The following CATSPERB variants were observed in gnomAD, a reference collection of about 807,000 sequenced individuals.
The protein encoded by CATSPERB is catsper channel auxiliary subunit beta.
Under a neutral mutation model 128.3 loss-of-function variants are expected in CATSPERB, and 93 were observed. That is an observed-to-expected ratio of 0.72 (90% CI 0.61 to 0.86). CATSPERB has a LOEUF of 0.86. CATSPERB is among the 40% of genes least tolerant of loss of function. The pLI, the probability that CATSPERB is intolerant of heterozygous loss-of-function variation, is 0.00. For synonymous variants in CATSPERB, 381 were observed against 448.8 expected, an observed-to-expected ratio of 0.85 and a Z score of 1.91; for missense variants, 1,153 against 1,329.5, an observed-to-expected ratio of 0.87 and a Z score of 2.06.
Position 91,723,526 on chromosome 14 carries a change from T to C in CATSPERB, c.169-337A>G, listed in dbSNP as rs115730457. 5.2e-3 allele frequency among the ~76,000 whole-genome samples: 790 copies of C among 152,324 alleles called. 7 individuals are homozygous for C. Among genetic ancestry groups the C allele is most frequent in the African/African-American group, 0.018 (738 of 41,576 alleles). On this transcript the variant is annotated intron_variant, in intron 3 of 26. Coordinates refer to ENST00000256343, the MANE Select transcript of CATSPERB (RefSeq NM_024764.4). ...GGAAGCAACTATATAAAGCAAAGCC[T>C]ATTTTACTGCATCTTTACTGGATAT...
chr14:91,640,042 T>C (rs1894463071), intron 15 of CATSPERB, among the ~76,000 whole-genome samples: 1 of 152,110 alleles, frequency 6.6e-6, no homozygotes, highest in African/African-American at 2.4e-5. Flanking sequence ...CTAGTGCTCT[T>C]CCCTGAAGTC....
At chr14:91,597,926 T>A (rs1309766837) in intron 22 of CATSPERB, among the ~76,000 whole-genome samples, 1 of 151,984 alleles carries the variant, frequency 6.6e-6, no homozygotes, top group African/African-American at 2.4e-5. Context: ...TTTATCTCAG[T>A]TTTTTTCCCT....
At chr14:91,620,998 A>G (rs191208315) in intron 19 of CATSPERB, among the ~76,000 whole-genome samples, 535 of 152,386 alleles carry the variant, frequency 3.5e-3, no homozygotes, top group Non-Finnish European at 6.1e-3. Context: ...AGAAATCTAC[A>G]CTAAAATTCT....
chr14:91,660,116 T>TCACACACA (rs56413235), intron 14 of CATSPERB, 135 bp from the exon 15 acceptor site: 17 of 239,344 alleles, frequency 7.1e-5, no homozygotes, highest in African/African-American at 4.9e-4. Flanking sequence ...TCTCTCTCTC[T>TCACACACA]CACACACACA....
intron 4 of CATSPERB, among the ~76,000 whole-genome samples, 174 bp downstream of exon 4, chr14:91,722,870 CTTTAA>C (rs976240005): frequency 2.6e-5 from 4 of 152,042 alleles, no homozygotes; most frequent in African/African-American, 7.2e-5. Context: ...ATTTCTTCTT[CTTTAA>C]TTTATTTAAA....
intron 11 of CATSPERB, among the ~76,000 whole-genome samples, chr14:91,683,229 G>A (rs1895315445): frequency 6.6e-6 from 1 of 152,144 alleles, no homozygotes; most frequent in African/African-American, 2.4e-5. Flanking sequence ...CCTACTGCAA[G>A]TCTAGGAACT....
chr14:91,712,004 G>A (rs552072947), intron 5 of CATSPERB, among the ~76,000 whole-genome samples: 1 of 152,260 alleles, frequency 6.6e-6, no homozygotes, highest in East Asian at 1.9e-4. Context: ...TGGGGAATTA[G>A]AAAATATTTT....
chr14:91,719,826 T>C (rs979950533), intron 4 of CATSPERB, among the ~76,000 whole-genome samples: 1 of 152,140 alleles, frequency 6.6e-6, no homozygotes, highest in African/African-American at 2.4e-5. Context: ...GAGCTTGAGG[T>C]TGACAGAGCA....
chr14:91,623,035 C>T (rs894003228), intron 18 of CATSPERB, among the ~76,000 whole-genome samples: 3 of 151,938 alleles, frequency 2.0e-5, no homozygotes, highest in Admixed American at 6.6e-5. Flanking sequence ...GCTGGAATTA[C>T]AGGCACCTGC....
At chr14:91,708,272 T>A (rs1409142304) in intron 5 of CATSPERB, 36 bp from the exon 6 acceptor site, 4 of 1,337,078 alleles carry the variant, frequency 3.0e-6, no homozygotes, top group South Asian at 2.4e-5. Flanking sequence ...TCAACTATTT[T>A]TTCATATGTT....
intron 14 of CATSPERB, among the ~76,000 whole-genome samples, chr14:91,666,476 C>T (rs369984276): frequency 1.3e-5 from 2 of 152,330 alleles, no homozygotes; most frequent in African/African-American, 2.4e-5. Context: ...AGCCTTCCCA[C>T]AGGACAAAAC....
rs114396073 is a variant in CATSPERB, at chr14:91,724,382, T to C, written c.168+698A>G. 5.2e-3 allele frequency among the ~76,000 whole-genome samples: 791 copies of C among 152,294 alleles called. 7 individuals carry two copies. The highest frequency in any genetic ancestry group is 0.018 in the African/African-American group (739 of 41,554). ...AAATGCATTTTTAGCTCAGAGAGCA[T>C]ACACTTCTCAATAGTTGTATATACA... On this transcript the variant is annotated intron_variant, in intron 3 of 26. Coordinates refer to ENST00000256343, the MANE Select transcript of CATSPERB (RefSeq NM_024764.4).
intron 17 of CATSPERB, 109 bp downstream of exon 17, chr14:91,636,316 T>C (rs2139802451): frequency 1.1e-6 from 1 of 950,206 alleles, no homozygotes; most frequent in African/African-American, 1.6e-5. Flanking sequence ...TGAGCTGTCA[T>C]CGCACTACTG....
intron 26 of CATSPERB, among the ~76,000 whole-genome samples, chr14:91,585,285 GATTT>G (rs1027155063): frequency 2.0e-5 from 3 of 152,134 alleles, no homozygotes; most frequent in Non-Finnish European, 4.4e-5. Flanking sequence ...AAAGTGCTGG[GATTT>G]TTTTCCCCAT....
At chr14:91,703,436 G>A (rs977036989) in intron 7 of CATSPERB, among the ~76,000 whole-genome samples, 1 of 151,998 alleles carries the variant, frequency 6.6e-6, no homozygotes, top group Non-Finnish European at 1.5e-5. Context: ...AATTTCCTGG[G>A]TGATGGGATT....
intron 5 of CATSPERB, among the ~76,000 whole-genome samples, chr14:91,716,102 T>G (rs867416118): frequency 6.6e-6 from 1 of 152,190 alleles, no homozygotes. Context: ...AAAACTCTGA[T>G]CTTCAAGAGA....
chr14:91,617,324 A>T (rs993780239), intron 20 of CATSPERB, among the ~76,000 whole-genome samples: 2 of 152,210 alleles, frequency 1.3e-5, no homozygotes, highest in Non-Finnish European at 2.9e-5. Context: ...TATGATTCTG[A>T]AATGTGCAGT....
At chr14:91,653,127 C>T (rs765017501) in intron 15 of CATSPERB, among the ~76,000 whole-genome samples, 8 of 152,106 alleles carry the variant, frequency 5.3e-5, no homozygotes, top group Non-Finnish European at 1.2e-4. Flanking sequence ...TCAGAAACTT[C>T]GTCATTTAAA....
intron 15 of CATSPERB, among the ~76,000 whole-genome samples, chr14:91,641,246 T>C (rs1193204212): frequency 6.6e-6 from 1 of 150,620 alleles, no homozygotes; most frequent in Non-Finnish European, 1.5e-5. Context: ...TTTAATTAGA[T>C]CCCATTTGTC....
Sources: gnomAD v4.1 joint callset for allele counts (sites outside exome capture counted in the v4.1 genomes callset) on GRCh38, gnomAD v4.1.1 for gene constraint, MANE v1.5 for transcripts, NCBI Gene and HGNC (gene_info 2026-07-23, HGNC 2026-07-21) for gene names.